Variants in USP6 observed in about 807,000 individuals in gnomAD.
The protein encoded by USP6 is ubiquitin carboxyl-terminal hydrolase 6.
A neutral mutation model predicts 175.7 loss-of-function variants in USP6; 128 were observed. The observed-to-expected ratio is 0.73, with a 90% CI of 0.63 to 0.84. USP6 has a LOEUF of 0.84. Ranked by LOEUF, USP6 falls within the 40% of genes least tolerant of loss-of-function variation. USP6 has a pLI of 0.00. For missense variants in USP6, 1,498 were observed against 1,760.3 expected, an observed-to-expected ratio of 0.85 and a Z score of 2.67; for synonymous variants, 562 against 630.6, an observed-to-expected ratio of 0.89 and a Z score of 1.63.
intron 33 of USP6, among the ~76,000 whole-genome samples, chr17:5,166,803 T>C (rs1002729025): frequency 1.3e-5 from 2 of 151,712 alleles, no homozygotes; most frequent in African/African-American, 4.8e-5. Context: ...GCATTCTAGA[T>C]CCTTCCTTCT....
rs2143994795 is a variant in USP6, at chr17:5,145,519, C to A, written c.2107C>A (p.Pro703Thr). 6.2e-6 allele frequency: 10 copies of A among 1,611,510 alleles called. No homozygotes were observed. Among genetic ancestry groups the A allele is most frequent in the Non-Finnish European group, 8.5e-6 (10 of 1,178,954 alleles). The change falls in exon 27 of 38, where the codon CCT (proline) becomes ACT (threonine). Residue 703 changes from proline (P) to threonine (T), a missense_variant. Physicochemically the swap from Pro to Thr is conservative, Grantham distance 38. This residue lies in a region of USP6 where 1,217 missense variants were observed against 1,500.8 expected (regional missense o/e 0.81). Transcript: ENST00000574788. ...TGGGCATATAAGTGTCCGATTTGAC[C>A]CTTTCAATTTTTTGTCTTTGCCACT... ...TCGHISVRFD[P>T]FNFLSLPLPM...
chr17:5,155,695 C>A lies in USP6; in HGVS notation c.2828+89C>A. On this transcript the variant is annotated intron_variant, in intron 31 of 37. Transcript: ENST00000574788. ...TTCTACATGACAGATAGGGCCCAGCCCATGTCAAGTTTGGCGCCCAGCCAA... is the reference window on the plus strand; with the variant it reads ...TTCTACATGACAGATAGGGCCCAGCACATGTCAAGTTTGGCGCCCAGCCAA... 2.3e-6 allele frequency: 3 copies of A among 1,283,158 alleles called. No homozygotes were observed. The South Asian group carries it at 7.6e-5, about 33-fold the overall frequency. 79.5% of individuals were successfully genotyped at this position (1,283,158 alleles called of 1,614,324 possible).
chr17:5,130,341 A>T, intron 9 of USP6, 26 bp from the exon 10 acceptor site: 1 of 1,613,396 alleles, frequency 6.2e-7, no homozygotes, highest in Non-Finnish European at 8.5e-7. Flanking sequence ...GGTACAGTGT[A>T]ACCTTTAGAC....
chr17:5,150,795 G>A (rs1199186425), intron 30 of USP6, among the ~76,000 whole-genome samples: 1 of 152,058 alleles, frequency 6.6e-6, no homozygotes, highest in Admixed American at 6.6e-5. Context: ...ACCCAGCCCA[G>A]AAATTTATTC....
intron 30 of USP6, among the ~76,000 whole-genome samples, chr17:5,154,419 A>C (rs1214695912): frequency 1.3e-5 from 2 of 152,212 alleles, no homozygotes; most frequent in African/African-American, 4.8e-5. Context: ...AATGTTTATT[A>C]AACAGCCATT....
At chr17:5,136,573 C>T (rs2073259958) in intron 17 of USP6, 67 bp from the exon 18 acceptor site, 2 of 1,582,974 alleles carry the variant, frequency 1.3e-6, no homozygotes, top group Middle Eastern at 2.3e-4. Context: ...CTGCCCAGCT[C>T]TTTCAGCTGA....
At chr17:5,155,220 G>C (rs1272621474) in intron 30 of USP6, among the ~76,000 whole-genome samples, 1 of 152,176 alleles carries the variant, frequency 6.6e-6, no homozygotes, top group Non-Finnish European at 1.5e-5. Context: ...CTCTAAAACT[G>C]GCAATACCTC....
Position 5,130,444 on chromosome 17 carries a change from A to G in USP6, c.72+5A>G, listed in dbSNP as rs200973911. The G allele has an allele frequency of 9.3e-6, 15 of 1,614,158 alleles. No individual in the cohort carries two copies. In the Admixed American group the frequency reaches 2.0e-4, roughly 22 times the overall value. On this transcript the variant is annotated splice_donor_5th_base_variant and intron_variant, in intron 10 of 37. Coordinates refer to ENST00000574788, the MANE Select transcript of USP6 (RefSeq NM_001304284.2). ...ATACTTATGAAGTATGACAAGGTACAGTTCGGTCTGCTCCTTGGAGGGAGG... is the reference window on the plus strand; with the variant it reads ...ATACTTATGAAGTATGACAAGGTACGGTTCGGTCTGCTCCTTGGAGGGAGG...
chr17:5,150,311 T>TAAAC (rs2073731728), intron 30 of USP6, among the ~76,000 whole-genome samples: 2 of 147,636 alleles, frequency 1.4e-5, no homozygotes, highest in African/African-American at 5.0e-5. Flanking sequence ...AATAAATAAA[T>TAAAC]AAATAAATAA....
intron 30 of USP6, among the ~76,000 whole-genome samples, chr17:5,149,402 CA>C (rs556262395): frequency 2.7e-5 from 4 of 148,262 alleles, no homozygotes; most frequent in Non-Finnish European, 4.5e-5. Context: ...GACTTCATCT[CA>C]AAAAAAAACA....
intron 19 of USP6, 66 bp downstream of exon 19, chr17:5,137,252 G>C (rs1364729784): frequency 6.3e-7 from 1 of 1,588,404 alleles, no homozygotes; most frequent in East Asian, 2.2e-5. Flanking sequence ...TGCTTCCCCA[G>C]CCCGGGGGTC....
rs141806386 is a variant in USP6, at chr17:5,155,710, C to T, written c.2828+104C>T. ...AGGGCCCAGCCCATGTCAAGTTTGGCGCCCAGCCAAAATAAGTTATTTAAA... is the reference window on the plus strand; with the variant it reads ...AGGGCCCAGCCCATGTCAAGTTTGGTGCCCAGCCAAAATAAGTTATTTAAA... On this transcript the variant is annotated intron_variant, in intron 31 of 37. Coordinates refer to ENST00000574788, the MANE Select transcript of USP6 (RefSeq NM_001304284.2). 8.9e-4 allele frequency: 972 copies of T among 1,092,520 alleles called. 6 individuals are homozygous for T. In the African/African-American group the frequency reaches 0.014, roughly 16 times the overall value. 67.7% of individuals were successfully genotyped at this position (1,092,520 alleles called of 1,614,324 possible).
At chr17:5,144,533 G>T (rs552058257) in intron 25 of USP6, among the ~76,000 whole-genome samples, 157 bp from the exon 26 acceptor site, 20 of 151,888 alleles carry the variant, frequency 1.3e-4, no homozygotes, top group African/African-American at 4.1e-4. Context: ...AGATTCAAAA[G>T]ATTTCATGAT....
At position 5,148,602 on chromosome 17, in the gene USP6, C is replaced by T; in HGVS notation, c.2478C>T (p.Thr826=). 1 of 1,613,926 alleles carries T rather than the reference C, an allele frequency of 6.2e-7. No homozygotes were observed. The highest frequency in any genetic ancestry group is 8.5e-7 in the Non-Finnish European group (1 of 1,179,846). ...PSTNGMFTLT[T]NGDLPKPIFI... Reference sequence around the variant, plus strand: ...CAAATGGAATGTTCACCCTAACTACCAATGGGGACCTACCCAAACCAATAT... The same window carrying T: ...CAAATGGAATGTTCACCCTAACTACTAATGGGGACCTACCCAAACCAATAT... The change falls in exon 30 of 38, where the codon ACC becomes ACT. Residue 826 remains threonine (T), a synonymous_variant. Coordinates refer to ENST00000574788, the MANE Select transcript of USP6 (RefSeq NM_001304284.2).
intron 26 of USP6, among the ~76,000 whole-genome samples, chr17:5,145,130 T>C (rs1311661745): frequency 6.6e-6 from 1 of 151,972 alleles, no homozygotes; most frequent in Admixed American, 6.6e-5. Context: ...ATTTAAAGAG[T>C]CCCCGTAATT....
At chr17:5,154,026 G>T in intron 30 of USP6, among the ~76,000 whole-genome samples, 1 of 152,206 alleles carries the variant, frequency 6.6e-6, no homozygotes, top group Admixed American at 6.5e-5. Flanking sequence ...GAAAGTATGG[G>T]CCCTAGGGCA....
chr17:5,157,966 G>A (rs911579762), intron 31 of USP6, among the ~76,000 whole-genome samples: 5 of 151,558 alleles, frequency 3.3e-5, no homozygotes, highest in African/African-American at 1.2e-4. Flanking sequence ...TGTGAATGGT[G>A]GTACCATTTA....
intron 26 of USP6, 133 bp downstream of exon 26, chr17:5,144,996 T>C: frequency 2.2e-6 from 3 of 1,336,510 alleles, no homozygotes; most frequent in South Asian, 3.8e-5. Flanking sequence ...GGAATTTCTA[T>C]TTCTATGCTT....
chr17:5,153,332 G>A (rs1248219912), intron 30 of USP6, among the ~76,000 whole-genome samples: 1 of 152,214 alleles, frequency 6.6e-6, no homozygotes, highest in African/African-American at 2.4e-5. Flanking sequence ...TGTTGCCCAG[G>A]CTGGAGTGCA....
Sources: gnomAD v4.1 joint callset for allele counts (sites outside exome capture counted in the v4.1 genomes callset) on GRCh38, gnomAD v4.1.1 for gene constraint, gnomAD v4.1.1 regional missense constraint, MANE v1.5 for transcripts, NCBI Gene and HGNC (gene_info 2026-07-23, HGNC 2026-07-21) for gene names.